The following GPATCH2 variants were observed in gnomAD, a reference collection of about 807,000 sequenced individuals.
The protein encoded by GPATCH2 is G patch domain-containing protein 2.
A neutral mutation model predicts 58.0 loss-of-function variants in GPATCH2; 51 were observed. The observed-to-expected ratio is 0.88, with a 90% CI of 0.70 to 1.11. The LOEUF (loss-of-function observed/expected upper bound fraction) is 1.11. Ranked by LOEUF, GPATCH2 falls within the 50% of genes most tolerant of loss-of-function variation. GPATCH2 has a pLI of 0.00. For missense variants in GPATCH2, 625 were observed against 652.2 expected, an observed-to-expected ratio of 0.96 and a Z score of 0.45; for synonymous variants, 222 against 218.5, an observed-to-expected ratio of 1.02 and a Z score of -0.14.
intron 5 of GPATCH2, among the ~76,000 whole-genome samples, chr1:217,575,479 C>CG (rs1466365508): frequency 5.3e-5 from 8 of 152,070 alleles, no homozygotes; most frequent in African/African-American, 1.9e-4. Flanking sequence ...ATTTATTGGT[C>CG]AAAATTCCAA....
At chr1:217,448,505 G>A (rs1659499591) in intron 9 of GPATCH2, among the ~76,000 whole-genome samples, 1 of 152,012 alleles carries the variant, frequency 6.6e-6, no homozygotes, top group African/African-American at 2.4e-5. Context: ...CTTTATCTGT[G>A]CCTCCCTTAC....
intron 5 of GPATCH2, among the ~76,000 whole-genome samples, chr1:217,593,673 T>C (rs1303683504): frequency 6.6e-6 from 1 of 152,054 alleles, no homozygotes; most frequent in Non-Finnish European, 1.5e-5. Flanking sequence ...AAATATTTAG[T>C]GTTTTGTTTC....
At chr1:217,588,020 C>CT (rs933324882) in intron 5 of GPATCH2, among the ~76,000 whole-genome samples, 2 of 152,082 alleles carry the variant, frequency 1.3e-5, no homozygotes, top group Admixed American at 6.6e-5. Flanking sequence ...AAGAATAAGA[C>CT]TTTAAGCTTT....
At chr1:217,536,804 G>A (rs770085066) in intron 5 of GPATCH2, among the ~76,000 whole-genome samples, 7 of 152,036 alleles carry the variant, frequency 4.6e-5, no homozygotes, top group Non-Finnish European at 7.4e-5. Context: ...GTGAAAACCC[G>A]TCTCTACTGA....
intron 8 of GPATCH2, among the ~76,000 whole-genome samples, chr1:217,483,901 A>G (rs1661332371): frequency 6.6e-6 from 1 of 152,174 alleles, no homozygotes. Context: ...GTGATTGCAA[A>G]TATTTTTTCC....
chr1:217,524,920 G>T (rs1558458423), intron 5 of GPATCH2, among the ~76,000 whole-genome samples: 4 of 22,682 alleles, frequency 1.8e-4, no homozygotes, highest in East Asian at 1.1e-3. Flanking sequence ...AGGGGGAGGG[G>T]GGAGAGGGGA....
intron 8 of GPATCH2, among the ~76,000 whole-genome samples, chr1:217,450,018 G>C (rs1285524271): frequency 6.6e-6 from 1 of 152,000 alleles, no homozygotes; most frequent in Non-Finnish European, 1.5e-5. Flanking sequence ...TATATAATTA[G>C]ATTCTTCTGT....
intron 8 of GPATCH2, among the ~76,000 whole-genome samples, chr1:217,468,800 G>C (rs1168151487): frequency 6.6e-6 from 1 of 151,792 alleles, no homozygotes; most frequent in African/African-American, 2.4e-5. Flanking sequence ...ATGTATTTCA[G>C]TGGGGATACA....
intron 8 of GPATCH2, among the ~76,000 whole-genome samples, chr1:217,479,331 A>G (rs568580445): frequency 1.3e-5 from 2 of 152,320 alleles, no homozygotes; most frequent in East Asian, 3.9e-4. Flanking sequence ...TTTTCAAGAC[A>G]GTACAAGAAG....
At chr1:217,539,029 G>A (rs1442262774) in intron 5 of GPATCH2, among the ~76,000 whole-genome samples, 5 of 152,026 alleles carry the variant, frequency 3.3e-5, no homozygotes, top group African/African-American at 7.2e-5. Context: ...TGTGGGTGTT[G>A]GTATGGCATA....
intron 8 of GPATCH2, among the ~76,000 whole-genome samples, chr1:217,451,749 G>A (rs1421522419): frequency 6.6e-6 from 1 of 152,178 alleles, no homozygotes; most frequent in South Asian, 2.1e-4. Flanking sequence ...GGAGGGGAAG[G>A]TACCATTCTG....
At chr1:217,598,379 TTC>T (rs375131431) in intron 5 of GPATCH2, among the ~76,000 whole-genome samples, 19 of 152,172 alleles carry the variant, frequency 1.2e-4, no homozygotes, top group African/African-American at 4.6e-4. Flanking sequence ...CAGAGCCAGA[TTC>T]TGTCACGAAA....
intron 6 of GPATCH2, among the ~76,000 whole-genome samples, chr1:217,498,946 A>G (rs1662153330): frequency 6.6e-6 from 1 of 152,136 alleles, no homozygotes; most frequent in Non-Finnish European, 1.5e-5. Context: ...GTTCAACAAC[A>G]TTAAAAATAT....
rs1658405437 is a variant in GPATCH2 at position 217,428,518 on chromosome 1, G to GA, written c.*2626dup. The GA allele has an allele frequency of 6.6e-6, 1 of 152,178 alleles. No homozygotes were observed. The highest frequency in any genetic ancestry group is 1.5e-5 in the Non-Finnish European group (1 of 68,046). The allele number at this position is 152,178 out of a possible 1,614,324, so 9.4% of individuals were successfully genotyped here. A position where few individuals can be genotyped will look rare whatever the true frequency, so the allele number is the denominator to read the frequency against. The stretch of plus-strand genomic sequence containing the variant: ...CTCCAATTAAGTTCAGGTACAACCA[G>GA]AACATCAGGTCTGTACTGAGTTTTC... On this transcript the variant is annotated 3_prime_UTR_variant, in exon 10 of 10. Coordinates refer to ENST00000366935, the MANE Select transcript of GPATCH2 (RefSeq NM_018040.5).
At chr1:217,629,654 G>T (rs1669641547) in intron 1 of GPATCH2, among the ~76,000 whole-genome samples, 1 of 152,020 alleles carries the variant, frequency 6.6e-6, no homozygotes, top group South Asian at 2.1e-4. Flanking sequence ...TGTTTTGTGT[G>T]GTGTTTACAT....
chr1:217,501,688 G>T (rs1453690111), intron 6 of GPATCH2, among the ~76,000 whole-genome samples: 2 of 152,028 alleles, frequency 1.3e-5, no homozygotes, highest in Non-Finnish European at 2.9e-5. Flanking sequence ...TTCTCTAATA[G>T]ATAATGACAC....
chr1:217,453,707 CT>C lies in GPATCH2; in HGVS notation c.1278-4371del, dbSNP rs553415063. On this transcript the variant is annotated intron_variant, in intron 8 of 9. Coordinates refer to ENST00000366935, the MANE Select transcript of GPATCH2 (RefSeq NM_018040.5). ...AAAACAAAAAACAGAAACAAAAACT[CT>C]ACTGAGAACCACCTTGCCTGAAAAC... is the stretch of plus-strand genomic sequence containing the variant. Among the ~76,000 whole-genome samples, 220 of 152,266 alleles carry C rather than the reference CT, an allele frequency of 1.4e-3. 1 individual carries two copies. Among genetic ancestry groups the C allele is most frequent in the African/African-American group, 4.9e-3 (202 of 41,546 alleles).
chr1:217,469,876 T>C (rs377512410), intron 8 of GPATCH2, among the ~76,000 whole-genome samples: 1 of 152,190 alleles, frequency 6.6e-6, no homozygotes, highest in Admixed American at 6.5e-5. Context: ...GCAGCAGATG[T>C]TGTTTATTAT....
At chr1:217,448,864 T>C (rs922037308) in intron 9 of GPATCH2, among the ~76,000 whole-genome samples, 4 of 152,166 alleles carry the variant, frequency 2.6e-5, no homozygotes, top group Non-Finnish European at 4.4e-5. Context: ...GTCTTGTGTT[T>C]TGGGGCTGCG....
Sources: gnomAD v4.1 joint callset for allele counts (sites outside exome capture counted in the v4.1 genomes callset) on GRCh38, gnomAD v4.1.1 for gene constraint, MANE v1.5 for transcripts, NCBI Gene and HGNC (gene_info 2026-07-23, HGNC 2026-07-21) for gene names.